The following CADPS variants were observed in gnomAD, a reference collection of about 807,000 sequenced individuals.
The protein encoded by CADPS is calcium dependent secretion activator, also known as calcium-dependent secretion activator 1.
A neutral mutation model predicts 167.3 loss-of-function variants in CADPS; 57 were observed. The observed-to-expected ratio is 0.34, with a 90% CI of 0.28 to 0.42. The LOEUF (loss-of-function observed/expected upper bound fraction) is 0.42. CADPS is among the 20% of genes least tolerant of loss of function. The pLI, the probability that CADPS is intolerant of heterozygous loss-of-function variation, is 1.00. For missense variants in CADPS, 1,414 were observed against 1,738.1 expected, an observed-to-expected ratio of 0.81 and a Z score of 3.32; for synonymous variants, 676 against 635.3, an observed-to-expected ratio of 1.06 and a Z score of -0.96.
intron 1 of CADPS, chr3:62,779,603 G>A: frequency 1.9e-6 from 1 of 534,624 alleles, no homozygotes; most frequent in South Asian, 1.4e-5. Flanking sequence ...GTGGAAACTT[G>A]AGGATGAAAT....
At chr3:62,492,265 T>C (rs781677576) in intron 20 of CADPS, 25 bp downstream of exon 20, 1 of 1,607,478 alleles carries the variant, frequency 6.2e-7, no homozygotes, top group African/African-American at 1.3e-5. Context: ...CTTAGGAAAG[T>C]CAAACAGTCA....
intron 3 of CADPS, among the ~76,000 whole-genome samples, chr3:62,692,600 G>A (rs991482908): frequency 7.2e-5 from 11 of 151,872 alleles, no homozygotes; most frequent in African/African-American, 2.7e-4. Context: ...TAAATCTGCC[G>A]CTATAGCCAT....
chr3:62,558,534 A>G (rs2078593163), intron 9 of CADPS, among the ~76,000 whole-genome samples: 1 of 152,238 alleles, frequency 6.6e-6, no homozygotes, highest in Admixed American at 6.5e-5. Context: ...TTATTAAAAG[A>G]GACACTTTCT....
At chr3:62,483,070 T>C (rs1425041676) in intron 21 of CADPS, among the ~76,000 whole-genome samples, 1 of 151,928 alleles carries the variant, frequency 6.6e-6, no homozygotes, top group African/African-American at 2.4e-5. Context: ...TTAAGGGTGT[T>C]CCATCCAGCC....
chr3:62,538,306 T>G (rs184569763), intron 11 of CADPS, among the ~76,000 whole-genome samples: 108 of 152,234 alleles, frequency 7.1e-4, no homozygotes, highest in Middle Eastern at 6.8e-3. Context: ...CTAGGGCATG[T>G]GTGTGACTCC....
At chr3:62,594,286 C>T (rs1230163734) in intron 6 of CADPS, among the ~76,000 whole-genome samples, 1 of 150,130 alleles carries the variant, frequency 6.7e-6, no homozygotes, top group Non-Finnish European at 1.5e-5. Flanking sequence ...CTCAGCCTCC[C>T]AAGTAGCTGG....
intron 17 of CADPS, among the ~76,000 whole-genome samples, chr3:62,508,343 GA>G (rs2067067448): frequency 6.6e-6 from 1 of 152,120 alleles, no homozygotes; most frequent in South Asian, 2.1e-4. Flanking sequence ...CAATGACCAA[GA>G]AACCTCTTTT....
chr3:62,803,401 A>C (rs1366564378), intron 1 of CADPS, among the ~76,000 whole-genome samples: 2 of 146,856 alleles, frequency 1.4e-5, no homozygotes, highest in Non-Finnish European at 3.0e-5. Context: ...CCTCTTCCTC[A>C]GGGCTATTTG....
chr3:62,519,766 C>T (rs962902453), intron 13 of CADPS, among the ~76,000 whole-genome samples: 1 of 151,862 alleles, frequency 6.6e-6, no homozygotes, highest in African/African-American at 2.4e-5. Flanking sequence ...ATTATGGGTG[C>T]AAGCTACCAT....
At chr3:62,789,808 T>C (rs1189621136) in intron 1 of CADPS, among the ~76,000 whole-genome samples, 1 of 152,186 alleles carries the variant, frequency 6.6e-6, no homozygotes, top group Non-Finnish European at 1.5e-5. Context: ...GTAATAATTA[T>C]AATTAACGTG....
intron 17 of CADPS, among the ~76,000 whole-genome samples, chr3:62,507,640 TGGA>T (rs2066939255): frequency 6.6e-6 from 1 of 152,180 alleles, no homozygotes; most frequent in Non-Finnish European, 1.5e-5. Flanking sequence ...CAGCATCACC[TGGA>T]AGCTTGTTAA....
intron 28 of CADPS, among the ~76,000 whole-genome samples, chr3:62,417,189 C>T (rs780006355): frequency 9.2e-5 from 14 of 151,650 alleles, no homozygotes; most frequent in East Asian, 3.9e-4. Context: ...GCATATTAAA[C>T]GCTCTGAGAA....
At chr3:62,588,659 C>T (rs141305945) in intron 7 of CADPS, among the ~76,000 whole-genome samples, 268 of 152,192 alleles carry the variant, frequency 1.8e-3, no homozygotes, top group Non-Finnish European at 2.9e-3. Flanking sequence ...AAATTCAAGG[C>T]TATTCACTGA....
chr3:62,652,092 T>C (rs61155728), intron 4 of CADPS, among the ~76,000 whole-genome samples: 13,247 of 152,150 alleles, frequency 0.087, 666 homozygotes, highest in South Asian at 0.15. Flanking sequence ...TTGGCTCCCC[T>C]ATCTTCACAG....
intron 3 of CADPS, among the ~76,000 whole-genome samples, chr3:62,712,689 G>C (rs1425056895): frequency 2.6e-5 from 4 of 152,306 alleles, no homozygotes; most frequent in Non-Finnish European, 4.4e-5. Flanking sequence ...GAATGAGGCA[G>C]GGTTATAAAT....
At chr3:62,865,467 C>T (rs541460962) in intron 1 of CADPS, among the ~76,000 whole-genome samples, 58 of 151,070 alleles carry the variant, frequency 3.8e-4, no homozygotes, top group South Asian at 1.5e-3. Context: ...CTGAGAAGCA[C>T]GTGATGAATT....
In CADPS at chr3:62,720,812, G is replaced by GTT. The variant is rs563508603; in HGVS notation, c.888+32627_888+32628dup. Among the ~76,000 whole-genome samples, 258 of 136,010 alleles carry GTT rather than the reference G, an allele frequency of 1.9e-3. 1 individual carries two copies. Among genetic ancestry groups the GTT allele is most frequent in the African/African-American group, 5.7e-3 (213 of 37,048 alleles). The allele number at this position is 136,010 out of a possible 152,430, so 89.2% of individuals were successfully genotyped here. A position where few individuals can be genotyped will look rare whatever the true frequency, so the allele number is the denominator to read the frequency against. ...TTCCATATTGTCCATTATATTGTTA[G>GTT]TTTTTTTTTTTTTTTTTCTTTTTGA... On this transcript the variant is annotated intron_variant, in intron 3 of 29. Transcript: ENST00000383710.
chr3:62,692,852 G>A (rs2079443828), intron 3 of CADPS, among the ~76,000 whole-genome samples: 1 of 151,966 alleles, frequency 6.6e-6, no homozygotes, highest in Non-Finnish European at 1.5e-5. Context: ...TCTTTGTTAT[G>A]TAAAGAAGGT....
intron 17 of CADPS, among the ~76,000 whole-genome samples, 196 bp downstream of exon 17, chr3:62,512,555 A>G (rs1387088126): frequency 2.6e-5 from 4 of 152,152 alleles, no homozygotes; most frequent in Non-Finnish European, 5.9e-5. Context: ...CTTTTCAGAA[A>G]TTCTGCTCTA....
Sources: allele counts gnomAD v4.1 joint callset (sites outside exome capture counted in the v4.1 genomes callset), GRCh38; gene constraint gnomAD v4.1.1; transcripts MANE v1.5; gene names NCBI Gene and HGNC (gene_info 2026-07-23, HGNC 2026-07-21).